DMRT1: variants seen among roughly 807,000 people sequenced by gnomAD.
DMRT1 encodes doublesex and mab-3 related transcription factor 1.
DMRT1 carries 7 observed loss-of-function variants against 32.3 expected under a neutral mutation model. The observed-to-expected ratio is 0.22, with a 90% CI of 0.12 to 0.41. DMRT1 has a LOEUF of 0.41. Ranked by LOEUF, DMRT1 falls within the 10% of genes least tolerant of loss-of-function variation. The probability of loss-of-function intolerance (pLI) is 1.00; values close to 1 mark genes in which losing one functional copy is unlikely to be tolerated. For missense variants in DMRT1, 625 were observed against 500.5 expected (o/e 1.25, Z -2.37); for synonymous variants, 278 against 206.1 (o/e 1.35, Z -2.99).
chr9:914,632 A>G lies in DMRT1; in HGVS notation c.823-2131A>G, dbSNP rs533684521. On this transcript the variant is annotated intron_variant, in intron 3 of 4. Transcript: ENST00000382276. ...AATGGTAGAAAGTGAAAACGGAGTG[A>G]TTGGCCTAGAAGAGACACCATTTCA... Among the ~76,000 whole-genome samples, 31 of 149,960 alleles carry G rather than the reference A, an allele frequency of 2.1e-4. No homozygotes were observed. In the South Asian group the frequency reaches 6.6e-3, roughly 32 times the overall value.
At chr9:857,511 G>T (rs10739166) in intron 2 of DMRT1, among the ~76,000 whole-genome samples, 59,190 of 151,852 alleles carry the variant, frequency 0.39, 12,132 homozygotes, top group Non-Finnish European at 0.47. Flanking sequence ...GGTATCTATA[G>T]GAAGGGCTAA....
intron 3 of DMRT1, among the ~76,000 whole-genome samples, chr9:906,852 C>T (rs988691404): frequency 6.6e-6 from 1 of 152,204 alleles, no homozygotes; most frequent in East Asian, 1.9e-4. Context: ...TCAGAAGCGT[C>T]TGAGGTGATT....
intron 2 of DMRT1, among the ~76,000 whole-genome samples, chr9:867,390 C>G (rs1242140449): frequency 6.6e-6 from 1 of 152,152 alleles, no homozygotes; most frequent in Non-Finnish European, 1.5e-5. Context: ...TTCTGTGCCT[C>G]CTAAGCATGC....
At position 941,334 on chromosome 9, in the gene DMRT1, C is replaced by CA. The variant is rs796418617; in HGVS notation, c.967+24427_967+24428insA. ...GTGTGCGCACACACACCCCCTCCCCCCCCCCACACATATGCAATGGAATAT... is the reference window on the plus strand; with the variant it reads ...GTGTGCGCACACACACCCCCTCCCCCACCCCCACACATATGCAATGGAATAT... On this transcript the variant is annotated intron_variant, in intron 4 of 4. Transcript: ENST00000382276. Among the ~76,000 whole-genome samples the CA allele has an allele frequency of 4.9e-3, 578 of 118,752 alleles. 7 individuals are homozygous for CA. Among genetic ancestry groups the CA allele is most frequent in the African/African-American group, 0.024 (550 of 22,498 alleles). The allele number at this position is 118,752 out of a possible 152,430, so 77.9% of individuals were successfully genotyped here. A position where few individuals can be genotyped will look rare whatever the true frequency, so the allele number is the denominator to read the frequency against.
At chr9:929,889 C>T (rs1354455384) in intron 4 of DMRT1, among the ~76,000 whole-genome samples, 1 of 152,058 alleles carries the variant, frequency 6.6e-6, no homozygotes, top group Non-Finnish European at 1.5e-5. Context: ...GGAGATGAAC[C>T]ATGAGAGAAG....
At chr9:946,917 C>A (rs1819264275) in intron 4 of DMRT1, among the ~76,000 whole-genome samples, 1 of 152,180 alleles carries the variant, frequency 6.6e-6, no homozygotes, top group South Asian at 2.1e-4. Context: ...AATGCAAGGA[C>A]TGGATTCACA....
intron 2 of DMRT1, among the ~76,000 whole-genome samples, chr9:874,270 T>G (rs1816399390): frequency 6.6e-6 from 1 of 152,232 alleles, no homozygotes; most frequent in Non-Finnish European, 1.5e-5. Context: ...AAGTTTTGAT[T>G]CATGGATCAG....
chr9:857,373 G>C (rs904336327), intron 2 of DMRT1, among the ~76,000 whole-genome samples: 1 of 151,978 alleles, frequency 6.6e-6, no homozygotes, highest in Non-Finnish European at 1.5e-5. Flanking sequence ...CTTTGAAAAC[G>C]TTCCTTTCTT....
intron 2 of DMRT1, among the ~76,000 whole-genome samples, chr9:861,806 G>T (rs1435597117): frequency 2.3e-4 from 1 of 4,444 alleles, no homozygotes; most frequent in African/African-American, 8.8e-4. Flanking sequence ...GCTGCCGGGC[G>T]GGGGGGGGCT....
At chr9:891,768 C>T (rs1323515110) in intron 2 of DMRT1, among the ~76,000 whole-genome samples, 1 of 152,044 alleles carries the variant, frequency 6.6e-6, no homozygotes, top group East Asian at 1.9e-4. Context: ...TCGTGAATCA[C>T]CTGCCTCGGC....
intron 4 of DMRT1, among the ~76,000 whole-genome samples, chr9:937,196 G>A (rs1818916126): frequency 1.3e-5 from 2 of 152,154 alleles, no homozygotes; most frequent in South Asian, 4.1e-4. Flanking sequence ...TTTTATGGCT[G>A]AATAATATTG....
At chr9:890,085 GTT>G (rs35228255) in intron 2 of DMRT1, among the ~76,000 whole-genome samples, 44 of 102,994 alleles carry the variant, frequency 4.3e-4, no homozygotes, top group Middle Eastern at 6.2e-3. Flanking sequence ...CACCAAACGT[GTT>G]TTTTTTTTTT....
In DMRT1 at chr9:954,658, T is replaced by G. The variant is rs1429225020; in HGVS notation, c.968-13327T>G. ...TTGGGCTTTATTTTATTATTATTAT[T>G]ATTTTTTAGAGTCTTGCTCTGTCGC... On this transcript the variant is annotated intron_variant, in intron 4 of 4. Coordinates refer to ENST00000382276, the MANE Select transcript of DMRT1 (RefSeq NM_021951.3). Among the ~76,000 whole-genome samples the G allele has an allele frequency of 2.0e-5, 3 of 152,066 alleles. No individual in the cohort carries two copies. The East Asian group carries it at 5.8e-4, about 29-fold the overall frequency.
chr9:889,626 C>A (rs943647899), intron 2 of DMRT1, among the ~76,000 whole-genome samples: 6 of 152,130 alleles, frequency 3.9e-5, no homozygotes, highest in African/African-American at 1.4e-4. Context: ...GTTATTACTG[C>A]CATTATTTTG....
At chr9:894,354 T>G (rs180670894) in intron 3 of DMRT1, 159 bp downstream of exon 3, 2 of 782,960 alleles carry the variant, frequency 2.6e-6, no homozygotes, top group Non-Finnish European at 4.4e-6. Context: ...GTGTGCCATT[T>G]TGCACACATG....
rs540944229 is a variant in DMRT1 at position 936,428 on chromosome 9, C to T, written c.967+19521C>T. 1.4e-4 allele frequency among the ~76,000 whole-genome samples: 22 copies of T among 152,128 alleles called. 1 individual carries two copies. The East Asian group carries it at 3.7e-3, about 25-fold the overall frequency. On this transcript the variant is annotated intron_variant, in intron 4 of 4. Transcript: ENST00000382276. The stretch of plus-strand genomic sequence containing the variant: ...GCCATTGTCTTCTTCCACTTAACAT[C>T]TCCTGTGAGGTTATTAGGCTATATT...
chr9:855,623 A>AT (rs981278171), intron 2 of DMRT1, among the ~76,000 whole-genome samples: 1 of 152,050 alleles, frequency 6.6e-6, no homozygotes, highest in Non-Finnish European at 1.5e-5. Flanking sequence ...ATATATCTGA[A>AT]TTTTTTTTCT....
At position 965,774 on chromosome 9, in the gene DMRT1, T is replaced by C. The variant is rs1383144262; in HGVS notation, c.968-2211T>C. On this transcript the variant is annotated intron_variant, in intron 4 of 4. Coordinates refer to ENST00000382276, the MANE Select transcript of DMRT1 (RefSeq NM_021951.3). This position sits in a 1 kb window ranked among gnomAD's most constrained non-coding sequence, Gnocchi z 4.5. ...AGGTTCAGCTGCCAGTTCTGAAATG[T>C]GGGGCCCAGGAGAAGGTTGGTGCAG... Among the ~76,000 whole-genome samples, 1 of 152,158 alleles carries C rather than the reference T, an allele frequency of 6.6e-6. No homozygotes were observed. Among genetic ancestry groups the C allele is most frequent in the Non-Finnish European group, 1.5e-5 (1 of 68,030 alleles).
intron 3 of DMRT1, among the ~76,000 whole-genome samples, chr9:896,299 T>TC (rs1331955736): frequency 6.8e-6 from 1 of 147,550 alleles, no homozygotes; most frequent in Admixed American, 6.7e-5. Flanking sequence ...TTTTTTTTTT[T>TC]TTTTCCTGAG....
Sources: allele counts gnomAD v4.1 joint callset (sites outside exome capture counted in the v4.1 genomes callset), GRCh38; gene constraint gnomAD v4.1.1; non-coding constraint Gnocchi (gnomAD v3.1); transcripts MANE v1.5; gene names NCBI Gene and HGNC (gene_info 2026-07-23, HGNC 2026-07-21).